TBX15: variants seen among roughly 807,000 people sequenced by gnomAD.
The protein encoded by TBX15 is T-box transcription factor TBX15.
Under a neutral mutation model 53.9 loss-of-function variants are expected in TBX15, and 18 were observed. The observed-to-expected ratio is 0.33, with a 90% CI of 0.23 to 0.49. The LOEUF (loss-of-function observed/expected upper bound fraction) is 0.49. Among genes scored for constraint, TBX15 ranks in the 20% least tolerant of loss-of-function variants. The probability of loss-of-function intolerance (pLI) is 0.98; values close to 1 mark genes in which losing one functional copy is unlikely to be tolerated. For missense variants in TBX15, 692 were observed against 749.5 expected (o/e 0.92, Z 0.90); for synonymous variants, 295 against 278.0 (o/e 1.06, Z -0.61).
intron 7 of TBX15, among the ~76,000 whole-genome samples, chr1:118,890,189 T>G (rs1404664023): frequency 1.3e-5 from 2 of 152,104 alleles, no homozygotes; most frequent in Non-Finnish European, 2.9e-5. Context: ...TGTGCCATAT[T>G]CCCAAAGGCT....
chr1:118,896,536 T>C (rs966327769), intron 7 of TBX15, among the ~76,000 whole-genome samples: 1 of 152,158 alleles, frequency 6.6e-6, no homozygotes. Context: ...ACATGACAGA[T>C]ACTCATATGC....
intron 2 of TBX15, among the ~76,000 whole-genome samples, chr1:118,930,020 CA>C (rs1655728617): frequency 1.3e-5 from 2 of 152,130 alleles, no homozygotes; most frequent in South Asian, 4.1e-4. Context: ...TGATATTGAA[CA>C]CAGTTATCCA....
At chr1:118,896,619 A>T (rs1654434378) in intron 7 of TBX15, among the ~76,000 whole-genome samples, 1 of 152,156 alleles carries the variant, frequency 6.6e-6, no homozygotes. Flanking sequence ...TTTGGTGCAA[A>T]CACTGCCAAT....
chr1:118,926,347 A>T (rs1403299450), intron 3 of TBX15, among the ~76,000 whole-genome samples, 163 bp downstream of exon 3: 1 of 152,226 alleles, frequency 6.6e-6, no homozygotes, highest in Non-Finnish European at 1.5e-5. Context: ...GGTCAAAGTT[A>T]ACACTTTTTC....
At chr1:118,931,197 T>C (rs1159556209) in intron 2 of TBX15, among the ~76,000 whole-genome samples, 1 of 152,230 alleles carries the variant, frequency 6.6e-6, no homozygotes, top group Non-Finnish European at 1.5e-5. Context: ...ATGCATCAAG[T>C]CAATTCTTTT....
chr1:118,890,712 A>G (rs2101455006), intron 7 of TBX15, among the ~76,000 whole-genome samples: 1 of 152,252 alleles, frequency 6.6e-6, no homozygotes, highest in Admixed American at 6.5e-5. Context: ...TGCATCTCTA[A>G]ATTGATCATT....
intron 3 of TBX15, among the ~76,000 whole-genome samples, chr1:118,925,138 C>T (rs1370373503): frequency 6.6e-6 from 1 of 152,182 alleles, no homozygotes; most frequent in African/African-American, 2.4e-5. Context: ...TGCCGTGCAC[C>T]CCTGTGTGCA....
chr1:118,921,820 CT>C (rs1409293105), intron 5 of TBX15, among the ~76,000 whole-genome samples: 1 of 152,138 alleles, frequency 6.6e-6, no homozygotes, highest in African/African-American at 2.4e-5. Flanking sequence ...TAACCGTTTC[CT>C]TAAAAAGAAA....
chr1:118,909,877 T>G (rs1766786), intron 6 of TBX15, among the ~76,000 whole-genome samples: 134,200 of 152,224 alleles, frequency 0.88, 59,288 homozygotes, highest in African/African-American at 0.9. Flanking sequence ...CACCGCACCC[T>G]GCCAGATGTC....
In TBX15 at chr1:118,884,508, G is replaced by A; in HGVS notation, c.*224C>T. On this transcript the variant is annotated 3_prime_UTR_variant, in exon 8 of 8. Coordinates refer to ENST00000369429, the MANE Select transcript of TBX15 (RefSeq NM_001330677.2). ...GCTTTATAAAACTAAGGTCTGGGAA[G>A]GCAGAAGAATGGCCACTGAGTTGCG... is the stretch of plus-strand genomic sequence containing the variant. The A allele has an allele frequency of 1.7e-6, 1 of 597,304 alleles. No homozygotes were observed. The highest frequency in any genetic ancestry group is 3.1e-5 in the Admixed American group (1 of 32,724). 37.0% of individuals were successfully genotyped at this position (597,304 alleles called of 1,614,324 possible). A position where few individuals can be genotyped will look rare whatever the true frequency, so the allele number is the denominator to read the frequency against.
chr1:118,972,568 G>A (rs1264459837), intron 1 of TBX15, among the ~76,000 whole-genome samples: 1 of 152,028 alleles, frequency 6.6e-6, no homozygotes, highest in Non-Finnish European at 1.5e-5. Context: ...GGACCATCTT[G>A]TGCCAACACT....
chr1:118,950,219 CTT>C (rs1656472510), intron 1 of TBX15, among the ~76,000 whole-genome samples: 1 of 152,182 alleles, frequency 6.6e-6, no homozygotes. Context: ...GTCATATACT[CTT>C]AGGGTTTAGG....
chr1:118,925,382 C>T (rs571493049), intron 3 of TBX15, among the ~76,000 whole-genome samples: 11 of 152,328 alleles, frequency 7.2e-5, no homozygotes, highest in East Asian at 3.9e-4. Context: ...ATTTCTATGA[C>T]GGGCCTTTGC....
At chr1:118,922,661 A>G (rs1655460657) in intron 5 of TBX15, among the ~76,000 whole-genome samples, 1 of 152,330 alleles carries the variant, frequency 6.6e-6, no homozygotes, top group Admixed American at 6.5e-5. Context: ...TGTAAACAAA[A>G]TATTTCTATG....
intron 7 of TBX15, among the ~76,000 whole-genome samples, chr1:118,898,441 T>C (rs1224890429): frequency 1.3e-5 from 2 of 152,056 alleles, no homozygotes; most frequent in African/African-American, 4.8e-5. Flanking sequence ...AAAGAAAAAT[T>C]ATAAATTGGA....
chr1:118,920,220 T>A (rs540171469), intron 5 of TBX15, among the ~76,000 whole-genome samples: 1 of 152,238 alleles, frequency 6.6e-6, no homozygotes, highest in South Asian at 2.1e-4. Context: ...AAGAGGAAGA[T>A]TGGACATGCA....
intron 1 of TBX15, among the ~76,000 whole-genome samples, chr1:118,972,203 T>A (rs1024464350): frequency 3.9e-5 from 6 of 152,190 alleles, no homozygotes; most frequent in African/African-American, 1.4e-4. Flanking sequence ...AAAGGTAAAA[T>A]TGGTGCATCC....
chr1:118,938,269 C>A (rs1259792316), intron 1 of TBX15, among the ~76,000 whole-genome samples: 3 of 152,148 alleles, frequency 2.0e-5, no homozygotes, highest in African/African-American at 7.2e-5. Context: ...CCTCCAAGTT[C>A]TATTTGGGAA....
At chr1:118,940,680 A>T (rs1437679746) in intron 1 of TBX15, among the ~76,000 whole-genome samples, 2 of 151,778 alleles carry the variant, frequency 1.3e-5, no homozygotes, top group Non-Finnish European at 2.9e-5. Context: ...TAAAGTGTCA[A>T]ATTAACATAT....
Sources: gnomAD v4.1 joint callset for allele counts (sites outside exome capture counted in the v4.1 genomes callset) on GRCh38, gnomAD v4.1.1 for gene constraint, MANE v1.5 for transcripts, NCBI Gene and HGNC (gene_info 2026-07-23, HGNC 2026-07-21) for gene names.